Variants in NEO1 observed in about 807,000 individuals in gnomAD.
The protein encoded by NEO1 is neogenin.
NEO1 carries 63 observed loss-of-function variants against 159.7 expected under a neutral mutation model. The observed-to-expected ratio is 0.39, with a 90% CI of 0.32 to 0.49. NEO1 has a LOEUF of 0.49. NEO1 is among the 20% of genes least tolerant of loss of function. The pLI is 0.85. For synonymous variants in NEO1, 633 were observed against 662.0 expected (o/e 0.96, Z 0.67); for missense variants, 1,615 against 1,831.0 (o/e 0.88, Z 2.15).
intron 1 of NEO1, among the ~76,000 whole-genome samples, chr15:73,095,900 G>C (rs2069997915): frequency 6.6e-6 from 1 of 152,114 alleles, no homozygotes; most frequent in East Asian, 1.9e-4. Flanking sequence ...GGTGCTACCA[G>C]GGATAAAACA....
chr15:73,248,555 A>T (rs1034467638), intron 9 of NEO1, among the ~76,000 whole-genome samples: 2 of 152,230 alleles, frequency 1.3e-5, no homozygotes, highest in African/African-American at 4.8e-5. Flanking sequence ...AGAATTCTTC[A>T]TCAAAGGGGT....
intron 1 of NEO1, among the ~76,000 whole-genome samples, chr15:73,069,096 G>T (rs1234239022): frequency 1.3e-5 from 2 of 150,468 alleles, no homozygotes; most frequent in African/African-American, 4.9e-5. Context: ...TGGGACTACA[G>T]TCATGCGTCA....
intron 9 of NEO1, among the ~76,000 whole-genome samples, chr15:73,246,986 C>T (rs1023042098): frequency 1.3e-5 from 2 of 152,156 alleles, no homozygotes; most frequent in Non-Finnish European, 2.9e-5. Context: ...AAGGAGCTTA[C>T]GGTCTGGTAC....
intron 1 of NEO1, among the ~76,000 whole-genome samples, chr15:73,108,486 A>C (rs1054508617): frequency 2.0e-5 from 3 of 152,208 alleles, no homozygotes; most frequent in Non-Finnish European, 4.4e-5. Context: ...AGTACCACTA[A>C]TACTTAATTC....
intron 1 of NEO1, among the ~76,000 whole-genome samples, chr15:73,109,839 C>T (rs1197964257): frequency 6.6e-6 from 1 of 151,868 alleles, no homozygotes; most frequent in Non-Finnish European, 1.5e-5. Flanking sequence ...GCATGTTTTC[C>T]CCAGGAGAGG....
chr15:73,202,655 A>G (rs1304213263), intron 7 of NEO1, among the ~76,000 whole-genome samples: 3 of 152,230 alleles, frequency 2.0e-5, no homozygotes, highest in Non-Finnish European at 2.9e-5. Flanking sequence ...ACATAGCCCT[A>G]AAATTAACTA....
At position 73,059,517 on chromosome 15, in the gene NEO1, C is replaced by G. The variant is rs543039556; in HGVS notation, c.130+6712C>G. Among the ~76,000 whole-genome samples the G allele has an allele frequency of 2.0e-5, 3 of 152,170 alleles. No individual in the cohort carries two copies. The East Asian group carries it at 5.8e-4, about 29-fold the overall frequency. On this transcript the variant is annotated intron_variant, in intron 1 of 28. Coordinates refer to ENST00000261908, the MANE Select transcript of NEO1 (RefSeq NM_002499.4). Reference sequence around the variant, plus strand: ...TTTATCTTTGAGGGCTAATTATGCACAAAACTACACTGTGGAAATAAAGAT... The same window carrying G: ...TTTATCTTTGAGGGCTAATTATGCAGAAAACTACACTGTGGAAATAAAGAT...
intron 5 of NEO1, among the ~76,000 whole-genome samples, chr15:73,172,183 A>G (rs1454696705): frequency 3.3e-5 from 5 of 152,192 alleles, no homozygotes; most frequent in Non-Finnish European, 7.4e-5. Context: ...GATTTATTCT[A>G]TTCTCTTAAA....
At chr15:73,223,876 T>C (rs1484590613) in intron 7 of NEO1, among the ~76,000 whole-genome samples, 2 of 152,208 alleles carry the variant, frequency 1.3e-5, no homozygotes, top group Non-Finnish European at 2.9e-5. Flanking sequence ...TTTTAACTTG[T>C]ACTTTTGTTT....
chr15:73,260,520 C>T, intron 15 of NEO1, 55 bp downstream of exon 15: 1 of 1,379,414 alleles, frequency 7.2e-7, no homozygotes, highest in Non-Finnish European at 9.6e-7. Context: ...TTCTTTTTAA[C>T]CTTTTATGTA....
At chr15:73,151,407 T>A (rs1437988065) in intron 5 of NEO1, among the ~76,000 whole-genome samples, 2 of 152,222 alleles carry the variant, frequency 1.3e-5, no homozygotes, top group African/African-American at 4.8e-5. Flanking sequence ...ATTTCAAGCC[T>A]GTTTTACATG....
intron 7 of NEO1, among the ~76,000 whole-genome samples, chr15:73,191,947 A>G (rs531228051): frequency 2.6e-5 from 4 of 152,174 alleles, no homozygotes; most frequent in South Asian, 2.1e-4. Flanking sequence ...GCAAAATTCT[A>G]TATGGCATAT....
intron 1 of NEO1, among the ~76,000 whole-genome samples, chr15:73,083,012 C>T (rs2069151789): frequency 1.3e-5 from 2 of 152,026 alleles, no homozygotes; most frequent in South Asian, 4.2e-4. Context: ...TAACAGAGTG[C>T]CTGGAATGTA....
At chr15:73,100,139 A>G (rs1024696331) in intron 1 of NEO1, among the ~76,000 whole-genome samples, 2 of 152,104 alleles carry the variant, frequency 1.3e-5, no homozygotes, top group Non-Finnish European at 2.9e-5. Flanking sequence ...TGCCATTTCA[A>G]ACACCAGCGT....
At chr15:73,263,754 A>G (rs1006153755) in intron 15 of NEO1, among the ~76,000 whole-genome samples, 1 of 152,162 alleles carries the variant, frequency 6.6e-6, no homozygotes, top group Non-Finnish European at 1.5e-5. Context: ...ATAAGCTGGG[A>G]TTTAAATATT....
chr15:73,283,214 A>G (rs949078869), intron 23 of NEO1, 103 bp downstream of exon 23: 17 of 1,289,346 alleles, frequency 1.3e-5, no homozygotes, highest in Non-Finnish European at 1.8e-5. Context: ...ACATAAAAAT[A>G]CATGAAAAGG....
intron 7 of NEO1, among the ~76,000 whole-genome samples, chr15:73,179,400 C>G (rs985561259): frequency 6.6e-6 from 1 of 152,090 alleles, no homozygotes; most frequent in Non-Finnish European, 1.5e-5. Flanking sequence ...GTTTTGCTCT[C>G]TAAACTTGCT....
intron 7 of NEO1, among the ~76,000 whole-genome samples, chr15:73,191,892 T>G (rs1396317305): frequency 3.3e-5 from 5 of 152,060 alleles, no homozygotes; most frequent in Non-Finnish European, 7.4e-5. Context: ...TAACCCTCAT[T>G]AACAAACATT....
chr15:73,202,821 T>C (rs1243577231), intron 7 of NEO1, among the ~76,000 whole-genome samples: 1 of 152,174 alleles, frequency 6.6e-6, no homozygotes, highest in Non-Finnish European at 1.5e-5. Context: ...CCTTTTACCT[T>C]CTATTTCTAT....
Sources: allele counts gnomAD v4.1 joint callset (sites outside exome capture counted in the v4.1 genomes callset), GRCh38; gene constraint gnomAD v4.1.1; transcripts MANE v1.5; gene names NCBI Gene and HGNC (gene_info 2026-07-23, HGNC 2026-07-21).